Variants in BEND4 observed in about 807,000 individuals in gnomAD.
The protein encoded by BEND4 is BEN domain-containing protein 4.
A neutral mutation model predicts 54.7 loss-of-function variants in BEND4; 27 were observed. The ratio of observed to expected loss-of-function variants is 0.49; its 90% CI spans 0.36 to 0.68. The LOEUF (loss-of-function observed/expected upper bound fraction) is 0.68, where lower values mean the gene tolerates loss of function less well. Ranked by LOEUF, BEND4 falls within the 30% of genes least tolerant of loss-of-function variation. The pLI is 0.00. For missense variants in BEND4, 702 were observed against 697.2 expected (o/e 1.01, Z -0.08); for synonymous variants, 327 against 299.5 (o/e 1.09, Z -0.95).
chr4:42,128,566 G>A (rs1323148765), intron 3 of BEND4, among the ~76,000 whole-genome samples: 1 of 151,684 alleles, frequency 6.6e-6, no homozygotes, highest in South Asian at 2.1e-4. Context: ...GGAGCTTGCA[G>A]TGAGCCAAGA....
intron 3 of BEND4, among the ~76,000 whole-genome samples, chr4:42,127,602 C>G (rs1720336386): frequency 6.6e-6 from 1 of 152,140 alleles, no homozygotes; most frequent in South Asian, 2.1e-4. Context: ...CCGGGTTTTT[C>G]ACTGATTGTG....
rs543367528 is a variant in BEND4 at position 42,115,404 on chromosome 4, C to A, written c.*2114G>T. ...GTGCTCTCATCAGCCTCAGCGAAGACCAGCACGATAGGGCTCCAAGATGAT... is the reference window on the plus strand; with the variant it reads ...GTGCTCTCATCAGCCTCAGCGAAGAACAGCACGATAGGGCTCCAAGATGAT... On this transcript the variant is annotated 3_prime_UTR_variant, in exon 6 of 6. Coordinates refer to ENST00000502486, the MANE Select transcript of BEND4 (RefSeq NM_207406.4). 1 of 152,286 alleles carries A rather than the reference C, an allele frequency of 6.6e-6. No homozygotes were observed. The highest frequency in any genetic ancestry group is 1.9e-4 in the East Asian group (1 of 5,170). The allele number at this position is 152,286 out of a possible 1,614,324, so 9.4% of individuals were successfully genotyped here.
intron 2 of BEND4, chr4:42,151,412 C>G (rs1167240385): frequency 3.1e-6 from 1 of 327,116 alleles, no homozygotes; most frequent in Non-Finnish European, 5.5e-6. Context: ...CACAGCCGTG[C>G]TTCCCGGCGC....
intron 2 of BEND4, chr4:42,151,427 T>A: frequency 2.9e-6 from 1 of 344,402 alleles, no homozygotes; most frequent in Non-Finnish European, 5.2e-6. Context: ...CGGCGCGGGA[T>A]CCAAGCCGCG....
intron 3 of BEND4, among the ~76,000 whole-genome samples, chr4:42,139,787 G>A (rs936709566): frequency 5.3e-5 from 8 of 152,096 alleles, no homozygotes; most frequent in Admixed American, 1.3e-4. Context: ...CCACAACACA[G>A]GTAGATTCTA....
intron 3 of BEND4, among the ~76,000 whole-genome samples, chr4:42,126,837 C>G (rs1048671334): frequency 6.6e-6 from 1 of 152,018 alleles, no homozygotes; most frequent in Admixed American, 6.6e-5. Flanking sequence ...ATAGCGAGAC[C>G]CTGTTCTCCA....
intron 3 of BEND4, among the ~76,000 whole-genome samples, chr4:42,141,986 C>T (rs1248173523): frequency 6.6e-6 from 1 of 151,896 alleles, no homozygotes; most frequent in Non-Finnish European, 1.5e-5. Context: ...CTCACCGAAC[C>T]TCTGCCTCCT....
rs921228711 is a variant in BEND4, at chr4:42,113,287, T to C, written c.*4231A>G. ...TTATACATTTAAATCTTTCCTAAAA[T>C]TGAAGCTATTATCCATGGATGACAT... On this transcript the variant is annotated 3_prime_UTR_variant, in exon 6 of 6. Transcript: ENST00000502486. 1 of 152,190 alleles carries C rather than the reference T, an allele frequency of 6.6e-6. No individual in the cohort carries two copies. Among genetic ancestry groups the C allele is most frequent in the African/African-American group, 2.4e-5 (1 of 41,444 alleles). The allele number at this position is 152,190 out of a possible 1,614,324, so 9.4% of individuals were successfully genotyped here. A position where few individuals can be genotyped will look rare whatever the true frequency, so the allele number is the denominator to read the frequency against.
In BEND4 at chr4:42,117,667, C is replaced by CT. The variant is rs35465489; in HGVS notation, c.1455dup (p.Val486SerfsTer27). On this transcript the variant is annotated frameshift_variant, in exon 6 of 6. Transcript: ENST00000502486. LOFTEE classifies it high-confidence loss of function. ...GCGTGACCGACAGCGTCGCTGAACACTTTGTTTATCTGCTCTTCCGAGGGC... is the reference window on the plus strand; with the variant it reads ...GCGTGACCGACAGCGTCGCTGAACACTTTTGTTTATCTGCTCTTCCGAGGGC... The CT allele has an allele frequency of 6.2e-7, 1 of 1,611,116 alleles. No homozygotes were observed. Among genetic ancestry groups the CT allele is most frequent in the Non-Finnish European group, 8.5e-7 (1 of 1,178,636 alleles).
In BEND4 at chr4:42,143,989, G is replaced by T. The variant is rs763334158; in HGVS notation, c.493C>A (p.Arg165=). The change falls in exon 3 of 6, where the codon CGA becomes AGA. Residue 165 remains arginine, a synonymous_variant. Coordinates refer to ENST00000502486, the MANE Select transcript of BEND4 (RefSeq NM_207406.4). ...SASLELSAES[R]MILDAFAQQC... ...TGGGCAAAGGCATCCAAGATCATTCGACTCTCTGAAACAAATGAAAGGACA... is the reference window on the plus strand; with the variant it reads ...TGGGCAAAGGCATCCAAGATCATTCTACTCTCTGAAACAAATGAAAGGACA... 4 of 1,573,050 alleles carry T rather than the reference G, an allele frequency of 2.5e-6. No individual in the cohort carries two copies. In the South Asian group the frequency reaches 4.9e-5, roughly 19 times the overall value.
Position 42,111,606 on chromosome 4 carries a change from G to GA in BEND4, c.*5911dup, listed in dbSNP as rs1165625240. 12 of 152,054 alleles carry GA rather than the reference G, an allele frequency of 7.9e-5. No individual in the cohort carries two copies. Among genetic ancestry groups the GA allele is most frequent in the Admixed American group, 3.9e-4 (6 of 15,270 alleles). The allele number at this position is 152,054 out of a possible 1,614,324, so 9.4% of individuals were successfully genotyped here. On this transcript the variant is annotated 3_prime_UTR_variant, in exon 6 of 6. Coordinates refer to ENST00000502486, the MANE Select transcript of BEND4 (RefSeq NM_207406.4). ...AGGGATGTGAAAGCCAAAACTACAG[G>GA]AAAAAATCAACAGATTACTGTATTT... is the stretch of plus-strand genomic sequence containing the variant.
intron 1 of BEND4, 69 bp from the exon 2 acceptor site, chr4:42,152,445 C>T: frequency 5.9e-6 from 1 of 168,556 alleles, no homozygotes. Context: ...GGGGGCGGGG[C>T]GGGGCCTGGC....
chr4:42,151,645 G>T lies in BEND4; in HGVS notation c.487+12C>A. On this transcript the variant is annotated intron_variant, in intron 2 of 5. Transcript: ENST00000502486. ...CCGTGGCGGGAAGGAAAGTTGTGCG[G>T]AGAGTTGGTACCTGCGCTGAGCTCC... 1 of 1,452,058 alleles carries T rather than the reference G, an allele frequency of 6.9e-7. No individual in the cohort carries two copies. 89.9% of individuals were successfully genotyped at this position (1,452,058 alleles called of 1,614,324 possible).
At chr4:42,128,639 A>G (rs9994129) in intron 3 of BEND4, among the ~76,000 whole-genome samples, 1 of 151,864 alleles carries the variant, frequency 6.6e-6, no homozygotes, top group South Asian at 2.1e-4. Context: ...AACAGAAAAG[A>G]AAAAAAAGAA....
intron 3 of BEND4, among the ~76,000 whole-genome samples, chr4:42,141,057 G>A (rs1178459139): frequency 1.3e-5 from 2 of 152,176 alleles, no homozygotes; most frequent in Admixed American, 6.5e-5. Context: ...ACCATGTCTC[G>A]GACTTGGGGA....
intron 2 of BEND4, among the ~76,000 whole-genome samples, chr4:42,150,272 C>A (rs1400808896): frequency 1.3e-5 from 2 of 152,052 alleles, no homozygotes; most frequent in African/African-American, 4.8e-5. Context: ...TATAAAAACA[C>A]AATGGAATAT....
Position 42,125,661 on chromosome 4 carries a change from G to T in BEND4, c.1068C>A (p.Thr356=). ...GAACCATCTTCAAGTAATCTAAAAC[G>T]GTCTGGCAGGGCACTGGGTGGAAGA... ...KLESIPVPCQ[T]VLDYLKMVLQ... Residue 356 remains threonine, a synonymous_variant, in exon 4 of 6, where the codon ACC becomes ACA. Coordinates refer to ENST00000502486, the MANE Select transcript of BEND4 (RefSeq NM_207406.4). 6.2e-7 allele frequency: 1 copy of T among 1,609,650 alleles called. No individual in the cohort carries two copies. The highest frequency in any genetic ancestry group is 1.1e-5 in the South Asian group (1 of 90,468).
In BEND4 at chr4:42,113,298, A is replaced by C. The variant is rs1346357566; in HGVS notation, c.*4220T>G. 1 of 152,260 alleles carries C rather than the reference A, an allele frequency of 6.6e-6. No homozygotes were observed. The highest frequency in any genetic ancestry group is 2.4e-5 in the African/African-American group (1 of 41,474). The allele number at this position is 152,260 out of a possible 1,614,324, so 9.4% of individuals were successfully genotyped here. On this transcript the variant is annotated 3_prime_UTR_variant, in exon 6 of 6. Coordinates refer to ENST00000502486, the MANE Select transcript of BEND4 (RefSeq NM_207406.4). ...AATCTTTCCTAAAATTGAAGCTATT[A>C]TCCATGGATGACATTTCAAAAAAAT...
chr4:42,138,225 T>C (rs1720760838), intron 3 of BEND4, among the ~76,000 whole-genome samples: 1 of 152,152 alleles, frequency 6.6e-6, no homozygotes. Context: ...TGTGGTATAT[T>C]ATTGGATAGA....
Sources: allele counts gnomAD v4.1 joint callset (sites outside exome capture counted in the v4.1 genomes callset), GRCh38; gene constraint gnomAD v4.1.1; transcripts MANE v1.5; gene names NCBI Gene and HGNC (gene_info 2026-07-23, HGNC 2026-07-21).